Variants in PLA2G4F observed in about 807,000 individuals in gnomAD.
PLA2G4F encodes cytosolic phospholipase A2 zeta.
Under a neutral mutation model 103.1 loss-of-function variants are expected in PLA2G4F, and 105 were observed. The observed-to-expected ratio is 1.02, with a 90% confidence interval of 0.87 to 1.20. The LOEUF is 1.20. PLA2G4F is among the 50% of genes most tolerant of loss of function. The probability of loss-of-function intolerance (pLI) is 0.00; values close to 1 mark genes in which losing one functional copy is unlikely to be tolerated. For missense variants in PLA2G4F, 1,155 were observed against 1,075.9 expected (o/e 1.07, Z -1.03); for synonymous variants, 468 against 441.1 (o/e 1.06, Z -0.76).
At position 42,145,274 on chromosome 15, in the gene PLA2G4F, G is replaced by A. The variant is rs573148310; in HGVS notation, c.1780+301C>T. Among the ~76,000 whole-genome samples, 17 of 152,302 alleles carry A rather than the reference G, an allele frequency of 1.1e-4. 1 individual carries two copies. Among genetic ancestry groups the A allele is most frequent in the Non-Finnish European group, 1.9e-4 (13 of 68,018 alleles). On this transcript the variant is annotated intron_variant, in intron 16 of 19. Transcript: ENST00000397272. The stretch of plus-strand genomic sequence containing the variant: ...AGCGGGAAGGGTGCTCTGCACCGTG[G>A]GGCCCCCATGAGCCATTTAAGGACC...
intron 1 of PLA2G4F, among the ~76,000 whole-genome samples, chr15:42,155,793 G>A (rs1566883199): frequency 6.6e-6 from 1 of 152,162 alleles, no homozygotes; most frequent in Non-Finnish European, 1.5e-5. Context: ...AACCCATCCG[G>A]TCTGGGTTCA....
rs778573235 is a variant in PLA2G4F, at chr15:42,156,454, C to G, written c.96G>C (p.Leu32=). ...GGTACGTTACCCGCCAGTGCCTCCA[C>G]AGAGGGCCCCTCTTCTCTCTCTTCT... The part of the protein sequence containing the change: ...LLQKREKRGP[L]WRHWRRETYP... The change falls in exon 1 of 20, where the codon CTG becomes CTC. Residue 32 remains leucine, a synonymous_variant. Coordinates refer to ENST00000397272, the MANE Select transcript of PLA2G4F (RefSeq NM_213600.4). 1 of 1,562,860 alleles carries G rather than the reference C, an allele frequency of 6.4e-7. No homozygotes were observed. The highest frequency in any genetic ancestry group is 1.2e-5 in the South Asian group (1 of 84,904).
intron 2 of PLA2G4F, 148 bp downstream of exon 2, chr15:42,155,369 C>T: frequency 2.6e-6 from 2 of 767,334 alleles, no homozygotes; most frequent in Non-Finnish European, 4.3e-6. Context: ...TACACGTATA[C>T]TCACACATGT....
At chr15:42,146,886 T>G in intron 13 of PLA2G4F, 1 of 498,902 alleles carries the variant, frequency 2.0e-6, no homozygotes, top group Non-Finnish European at 3.6e-6. Flanking sequence ...CGCCGGTGAT[T>G]CTAATATGCA....
At chr15:42,146,087 A>C (rs114152163) in intron 14 of PLA2G4F, 40 bp downstream of exon 14, 9 of 1,604,330 alleles carry the variant, frequency 5.6e-6, no homozygotes, top group Non-Finnish European at 7.7e-6. Flanking sequence ...CCTCCTCCCC[A>C]CCTCCTCTAC....
chr15:42,151,034 G>A, intron 7 of PLA2G4F: 1 of 985,446 alleles, frequency 1.0e-6, no homozygotes, highest in Non-Finnish European at 1.2e-6. Context: ...GGGAAGGCAG[G>A]GAGCGGGGAG....
rs1487242766 is a variant in PLA2G4F, at chr15:42,140,418, AGTGTT to A, written c.*1561_*1565del. The A allele has an allele frequency of 6.6e-6, 1 of 152,264 alleles. No individual in the cohort carries two copies. The highest frequency in any genetic ancestry group is 1.5e-5 in the Non-Finnish European group (1 of 68,078). 9.4% of individuals were successfully genotyped at this position (152,264 alleles called of 1,614,324 possible). ...AGTTATTGATGACGGCAGGCACAGCAGTGTTGATGACAATGGCCACAGCAGGAGCC... is the reference window on the plus strand; with the variant it reads ...AGTTATTGATGACGGCAGGCACAGCAGATGACAATGGCCACAGCAGGAGCC... On this transcript the variant is annotated 3_prime_UTR_variant, in exon 20 of 20. Coordinates refer to ENST00000397272, the MANE Select transcript of PLA2G4F (RefSeq NM_213600.4).
At chr15:42,151,468 T>G (rs1233618855) in intron 7 of PLA2G4F, 1 of 985,032 alleles carries the variant, frequency 1.0e-6, no homozygotes, top group African/African-American at 1.8e-5. Flanking sequence ...TGGCTGCACA[T>G]GACATCCGGG....
chr15:42,142,253 A>C, intron 19 of PLA2G4F, 49 bp from the exon 20 acceptor site: 1 of 1,515,110 alleles, frequency 6.6e-7, no homozygotes, highest in Non-Finnish European at 9.0e-7. Flanking sequence ...CCCTCTGTGG[A>C]ACTGGCTGGA....
At chr15:42,144,166 G>C in intron 17 of PLA2G4F, 22 bp from the exon 18 acceptor site, 1 of 1,583,416 alleles carries the variant, frequency 6.3e-7, no homozygotes, top group Non-Finnish European at 8.6e-7. Flanking sequence ...CCATGTGTAC[G>C]CACAGGGACG....
At chr15:42,149,341 G>C (rs2140809453) in intron 11 of PLA2G4F, among the ~76,000 whole-genome samples, 1 of 152,310 alleles carries the variant, frequency 6.6e-6, no homozygotes, top group East Asian at 1.9e-4. Flanking sequence ...CATGCACAGA[G>C]GAAGGGCCAC....
chr15:42,155,864 A>G (rs2049009986), intron 1 of PLA2G4F, among the ~76,000 whole-genome samples: 1 of 152,210 alleles, frequency 6.6e-6, no homozygotes. Flanking sequence ...ACACACCTGC[A>G]GCTCCCCTCA....
In PLA2G4F at chr15:42,147,230, C is replaced by T. The variant is rs150577714; in HGVS notation, c.1313G>A (p.Arg438Gln). 1.4e-5 allele frequency: 22 copies of T among 1,612,784 alleles called. No homozygotes were observed. The highest frequency in any genetic ancestry group is 1.8e-4 in the Middle Eastern group (1 of 5,474). The change falls in exon 13 of 20, where the codon CGG (arginine) becomes CAG (glutamine). Residue 438 changes from arginine (R) to glutamine (Q), a missense_variant. This residue lies in a region of PLA2G4F where 782 missense variants were observed against 692.9 expected (regional missense o/e 1.13). Transcript: ENST00000397272. Reference protein sequence around the residue: ...SSKMGALSTERLQYYTQELGV... With the variant: ...SSKMGALSTEQLQYYTQELGV... ...CAGTTCCTGAGTGTAGTACTGTAGCCGCTCCGTGGACAAAGCTCCCATCTT... is the reference window on the plus strand; with the variant it reads ...CAGTTCCTGAGTGTAGTACTGTAGCTGCTCCGTGGACAAAGCTCCCATCTT...
rs118106972 is a variant in PLA2G4F at position 42,141,510 on chromosome 15, C to T, written c.*474G>A. 3.8e-3 allele frequency: 1,692 copies of T among 443,726 alleles called. 10 individuals carry two copies. The highest frequency in any genetic ancestry group is 5.7e-3 in the Non-Finnish European group (1,246 of 220,524). The allele number at this position is 443,726 out of a possible 1,614,324, so 27.5% of individuals were successfully genotyped here. A position where few individuals can be genotyped will look rare whatever the true frequency, so the allele number is the denominator to read the frequency against. On this transcript the variant is annotated 3_prime_UTR_variant, in exon 20 of 20. Coordinates refer to ENST00000397272, the MANE Select transcript of PLA2G4F (RefSeq NM_213600.4). ...CTTGATAGCAGTGCATCCAGGAGCT[C>T]GAGGTGGGGTTGGGGCTTGGGCCGC...
At chr15:42,148,781 T>G in intron 11 of PLA2G4F, 1 of 985,418 alleles carries the variant, frequency 1.0e-6, no homozygotes, top group Non-Finnish European at 1.2e-6. Flanking sequence ...TTTGGCTCAT[T>G]CCACTCTGGA....
At chr15:42,150,170 G>A in intron 9 of PLA2G4F, 29 bp from the exon 10 acceptor site, 1 of 1,614,106 alleles carries the variant, frequency 6.2e-7, no homozygotes, top group Non-Finnish European at 8.5e-7. Flanking sequence ...CCAACCCTGA[G>A]TTCTCTGGGC....
chr15:42,152,403 C>CCAGCT (rs2048969952), intron 7 of PLA2G4F, among the ~76,000 whole-genome samples: 1 of 152,200 alleles, frequency 6.6e-6, no homozygotes, highest in African/African-American at 2.4e-5. Context: ...CAAGCCCAGC[C>CCAGCT]CAGCTGACTG....
chr15:42,148,539 G>T, intron 11 of PLA2G4F: 1 of 894,198 alleles, frequency 1.1e-6, no homozygotes, highest in Non-Finnish European at 1.3e-6. Context: ...CCTTTCCCCA[G>T]CAGCAACAAT....
At chr15:42,155,460 G>A in intron 2 of PLA2G4F, 57 bp downstream of exon 2, 5 of 1,567,812 alleles carry the variant, frequency 3.2e-6, no homozygotes, top group Non-Finnish European at 4.4e-6. Context: ...CCTGAGCTGA[G>A]CTCTGAGGAA....
Sources: allele counts gnomAD v4.1 joint callset (sites outside exome capture counted in the v4.1 genomes callset), GRCh38; gene constraint gnomAD v4.1.1; regional missense constraint gnomAD v4.1.1; transcripts MANE v1.5; gene names NCBI Gene and HGNC (gene_info 2026-07-23, HGNC 2026-07-21).